RYR3: variants seen among roughly 807,000 people sequenced by gnomAD.
RYR3 encodes ryanodine receptor 3.
RYR3 carries 207 observed loss-of-function variants against 584.3 expected under a neutral mutation model. The observed-to-expected ratio is 0.35, with a 90% CI of 0.32 to 0.40. RYR3 has a LOEUF of 0.40. RYR3 is among the 10% of genes least tolerant of loss of function. The pLI is 1.00. For synonymous variants in RYR3, 2,416 were observed against 2,248.5 expected, an observed-to-expected ratio of 1.07 and a Z score of -2.11; for missense variants, 5,616 against 6,089.2, an observed-to-expected ratio of 0.92 and a Z score of 2.59.
intron 1 of RYR3, among the ~76,000 whole-genome samples, chr15:33,436,784 A>C (rs2045767409): frequency 6.6e-6 from 1 of 152,134 alleles, no homozygotes; most frequent in Admixed American, 6.5e-5. Flanking sequence ...TATTACAAGC[A>C]TGAGCCACTG....
At position 33,311,172 on chromosome 15, in the gene RYR3, C is replaced by A; in HGVS notation, c.51+76C>A. The A allele has an allele frequency of 1.7e-6, 2 of 1,159,984 alleles. No homozygotes were observed. Among genetic ancestry groups the A allele is most frequent in the Non-Finnish European group, 2.3e-6 (2 of 864,382 alleles). 71.9% of individuals were successfully genotyped at this position (1,159,984 alleles called of 1,614,324 possible). A position where few individuals can be genotyped will look rare whatever the true frequency, so the allele number is the denominator to read the frequency against. On this transcript the variant is annotated intron_variant, in intron 1 of 103. Coordinates refer to ENST00000634891, the MANE Select transcript of RYR3 (RefSeq NM_001036.6). The surrounding 1 kb of genome is among the most constrained non-coding windows in gnomAD (Gnocchi z 4.4). ...GAGCGCGGCGAGGAGGGGCTGGCTG[C>A]GCTGCGCCGCGGTGCCGGGTGCCCG...
intron 59 of RYR3, among the ~76,000 whole-genome samples, chr15:33,756,693 A>G (rs2071871401): frequency 1.3e-5 from 2 of 152,210 alleles, no homozygotes; most frequent in African/African-American, 4.8e-5. Flanking sequence ...AGGAGAAGGG[A>G]AGGCAAGCTG....
At chr15:33,629,490 A>G (rs1236474721) in intron 21 of RYR3, among the ~76,000 whole-genome samples, 1 of 152,148 alleles carries the variant, frequency 6.6e-6, no homozygotes, top group Non-Finnish European at 1.5e-5. Flanking sequence ...TTTCTTTTTG[A>G]TTTTCTAATG....
intron 86 of RYR3, among the ~76,000 whole-genome samples, chr15:33,834,326 T>A (rs142754982): frequency 0.086 from 5,950 of 69,364 alleles, 147 homozygotes; most frequent in East Asian, 0.13. Flanking sequence ...ACACACACAG[T>A]GAGATTAACA....
At position 33,756,341 on chromosome 15, in the gene RYR3, C is replaced by A. The variant is rs755398602; in HGVS notation, c.8551C>A (p.Pro2851Thr). The change falls in exon 59 of 104, where the codon CCC becomes ACC. Residue 2851 changes from proline to threonine, a missense_variant. Coordinates refer to ENST00000634891, the MANE Select transcript of RYR3 (RefSeq NM_001036.6). The stretch of plus-strand genomic sequence containing the variant: ...CAGCAGTGGGAAAACTGAAAAGTCT[C>A]CCCGTGACCAGGAGATCAAATTCTT... Reference protein sequence around the residue: ...IVSSGKTEKSPRDQEIKFFAK... With the variant: ...IVSSGKTEKSTRDQEIKFFAK... The A allele has an allele frequency of 1.3e-6, 2 of 1,580,828 alleles. No homozygotes were observed. Among genetic ancestry groups the A allele is most frequent in the Admixed American group, 3.6e-5 (2 of 55,036 alleles).
intron 86 of RYR3, 99 bp from the exon 87 acceptor site, chr15:33,834,869 C>A: frequency 1.3e-6 from 1 of 767,260 alleles, no homozygotes; most frequent in Non-Finnish European, 2.1e-6. Flanking sequence ...TTTGGAAAGT[C>A]TATCTGCTCA....
At chr15:33,785,433 T>C (rs905782579) in intron 65 of RYR3, among the ~76,000 whole-genome samples, 2 of 152,284 alleles carry the variant, frequency 1.3e-5, no homozygotes, top group Non-Finnish European at 2.9e-5. Context: ...AACCATGTGT[T>C]TGTTTTAACC....
intron 100 of RYR3, 59 bp from the exon 101 acceptor site, chr15:33,860,536 C>G: frequency 1.0e-6 from 1 of 983,220 alleles, no homozygotes. Flanking sequence ...CTTCCTTTAT[C>G]ATTCCTCTAC....
intron 94 of RYR3, chr15:33,851,284 A>G (rs1336511426): frequency 6.6e-6 from 1 of 152,186 alleles, no homozygotes; most frequent in African/African-American, 2.4e-5. Flanking sequence ...ATAGTAGGAT[A>G]TGCAAAATGT....
chr15:33,609,333 C>T (rs1495287), intron 18 of RYR3, among the ~76,000 whole-genome samples: 46,427 of 151,994 alleles, frequency 0.31, 7,725 homozygotes, highest in Middle Eastern at 0.39. Flanking sequence ...CTTCGGGAGG[C>T]CGAGATGGGA....
chr15:33,758,594 C>T (rs769493140), intron 60 of RYR3, among the ~76,000 whole-genome samples: 41 of 152,220 alleles, frequency 2.7e-4, no homozygotes, highest in Non-Finnish European at 5.4e-4. Context: ...TGCCTTTCTA[C>T]ATTCCTCCTC....
In RYR3 at chr15:33,311,224, G is replaced by C; in HGVS notation, c.51+128G>C. On this transcript the variant is annotated intron_variant, in intron 1 of 103. Coordinates refer to ENST00000634891, the MANE Select transcript of RYR3 (RefSeq NM_001036.6). This position sits in a 1 kb window ranked among gnomAD's most constrained non-coding sequence, Gnocchi z 4.4. ...TGCCGGGCGCTTTCTCCGCACCCGC[G>C]GGCTGCAGAGGCGGACCGGCCACCT... 1.6e-6 allele frequency: 1 copy of C among 634,998 alleles called. No individual in the cohort carries two copies. 39.3% of individuals were successfully genotyped at this position (634,998 alleles called of 1,614,324 possible).
chr15:33,422,224 C>T (rs2044289301), intron 1 of RYR3, among the ~76,000 whole-genome samples: 1 of 152,056 alleles, frequency 6.6e-6, no homozygotes. Context: ...TTACTTGACA[C>T]CTGGTATTCA....
chr15:33,864,061 CCCTGATCACAGTTAATCCATGCGAATGA>C, intron 102 of RYR3, 49 bp from the exon 103 acceptor site: 2 of 1,094,648 alleles, frequency 1.8e-6, no homozygotes, highest in Non-Finnish European at 1.4e-6. Context: ...CCTTTCTGAG[CCCTGATCACAGTTAATCCATGCGAATGA>C]ACTTGGGTCT....
At chr15:33,710,595 C>T (rs534972088) in intron 43 of RYR3, among the ~76,000 whole-genome samples, 8 of 152,260 alleles carry the variant, frequency 5.3e-5, no homozygotes, top group South Asian at 4.2e-4. Flanking sequence ...CCACATTTCC[C>T]GTCTGTACTG....
chr15:33,744,112 G>A (rs2152839938), intron 52 of RYR3, among the ~76,000 whole-genome samples: 1 of 152,150 alleles, frequency 6.6e-6, no homozygotes. Context: ...GAGCCTGCCA[G>A]ATACCCGCCT....
intron 27 of RYR3, 46 bp downstream of exon 27, chr15:33,636,596 G>C (rs778236742): frequency 1.3e-6 from 2 of 1,505,812 alleles, no homozygotes; most frequent in South Asian, 2.6e-5. Context: ...GAGGCTGGAG[G>C]AAAATATAGG....
intron 1 of RYR3, among the ~76,000 whole-genome samples, chr15:33,364,616 C>A (rs1333635753): frequency 6.6e-6 from 1 of 152,174 alleles, no homozygotes; most frequent in East Asian, 1.9e-4. Flanking sequence ...GCGTACCAGA[C>A]AATGCATTGT....
intron 2 of RYR3, among the ~76,000 whole-genome samples, chr15:33,479,412 G>A (rs931695610): frequency 8.6e-5 from 11 of 127,734 alleles, no homozygotes; most frequent in Non-Finnish European, 1.9e-4. Flanking sequence ...GAAAGACCAG[G>A]CTATTATAAA....
Sources: allele counts gnomAD v4.1 joint callset (sites outside exome capture counted in the v4.1 genomes callset), GRCh38; gene constraint gnomAD v4.1.1; non-coding constraint Gnocchi (gnomAD v3.1); transcripts MANE v1.5; gene names NCBI Gene and HGNC (gene_info 2026-07-23, HGNC 2026-07-21).